The following TLE4 variants were observed in gnomAD, a reference collection of about 807,000 sequenced individuals.
The protein encoded by TLE4 is TLE family member 4, transcriptional corepressor.
Under a neutral mutation model 92.8 loss-of-function variants are expected in TLE4, and 8 were observed. That is an observed-to-expected ratio of 0.09 (90% confidence interval 0.05 to 0.16). TLE4 has a LOEUF of 0.16. TLE4 is among the 10% of genes least tolerant of loss of function. The pLI, the probability that TLE4 is intolerant of heterozygous loss-of-function variation, is 1.00. For missense variants in TLE4, 675 were observed against 997.6 expected, an observed-to-expected ratio of 0.68 and a Z score of 4.36; for synonymous variants, 371 against 374.1, an observed-to-expected ratio of 0.99 and a Z score of 0.10.
intron 8 of TLE4, among the ~76,000 whole-genome samples, chr9:79,692,906 G>T (rs1339550506): frequency 6.6e-6 from 1 of 152,196 alleles, no homozygotes; most frequent in Non-Finnish European, 1.5e-5. Context: ...GACTATAGCA[G>T]TGACAATCCT....
At chr9:79,629,872 A>G (rs983992299) in intron 6 of TLE4, among the ~76,000 whole-genome samples, 3 of 152,182 alleles carry the variant, frequency 2.0e-5, no homozygotes, top group Non-Finnish European at 2.9e-5. Flanking sequence ...CAGTTGTAAC[A>G]TTGTAGTATT....
At chr9:79,621,120 G>A (rs1291046807) in intron 5 of TLE4, among the ~76,000 whole-genome samples, 1 of 152,190 alleles carries the variant, frequency 6.6e-6, no homozygotes, top group Non-Finnish European at 1.5e-5. Context: ...GTATAGGAAA[G>A]GCTGATTTGG....
In TLE4 at chr9:79,572,594, C is replaced by A. The variant is rs1446429062; in HGVS notation, c.-197C>A. 1 of 233,932 alleles carries A rather than the reference C, an allele frequency of 4.3e-6. No homozygotes were observed. Among genetic ancestry groups the A allele is most frequent in the Non-Finnish European group, 8.3e-6 (1 of 120,824 alleles). 14.5% of individuals were successfully genotyped at this position (233,932 alleles called of 1,614,324 possible). Reference sequence around the variant, plus strand: ...GACGCCCGCGGGGAATGCGGAGCGGCCCGGCAGCCGGCACCCAGCCGCCGC... The same window carrying A: ...GACGCCCGCGGGGAATGCGGAGCGGACCGGCAGCCGGCACCCAGCCGCCGC... On this transcript the variant is annotated 5_prime_UTR_variant, in exon 1 of 20. Transcript: ENST00000376552.
intron 14 of TLE4, among the ~76,000 whole-genome samples, chr9:79,710,272 A>G (rs941465212): frequency 6.6e-6 from 1 of 152,112 alleles, no homozygotes; most frequent in African/African-American, 2.4e-5. Flanking sequence ...AATCTAATGC[A>G]CCTTTTTATT....
At chr9:79,702,148 G>C (rs964751105) in intron 8 of TLE4, among the ~76,000 whole-genome samples, 4 of 152,198 alleles carry the variant, frequency 2.6e-5, no homozygotes, top group African/African-American at 7.2e-5. Context: ...GGGAACACTG[G>C]CTTATAGTGC....
chr9:79,684,938 A>G (rs955272182), intron 8 of TLE4, among the ~76,000 whole-genome samples: 27 of 152,282 alleles, frequency 1.8e-4, no homozygotes, highest in African/African-American at 6.5e-4. Flanking sequence ...GTAGTTTTAG[A>G]GGTAAAGGAA....
intron 4 of TLE4, among the ~76,000 whole-genome samples, chr9:79,583,844 A>G (rs1047741129): frequency 6.6e-6 from 1 of 152,124 alleles, no homozygotes; most frequent in East Asian, 1.9e-4. Flanking sequence ...TGTTCTCTTT[A>G]ATGTTCCTTA....
At chr9:79,648,379 T>C (rs2058430063) in intron 6 of TLE4, among the ~76,000 whole-genome samples, 1 of 152,118 alleles carries the variant, frequency 6.6e-6, no homozygotes, top group Non-Finnish European at 1.5e-5. Flanking sequence ...TAACAATGCC[T>C]TTATGAGGCA....
intron 6 of TLE4, among the ~76,000 whole-genome samples, chr9:79,632,101 C>G (rs757271910): frequency 6.6e-6 from 1 of 152,196 alleles, no homozygotes; most frequent in South Asian, 2.1e-4. Context: ...TCAGCCATAG[C>G]GCGAAGTGCT....
intron 14 of TLE4, among the ~76,000 whole-genome samples, chr9:79,711,782 G>GT (rs770280994): frequency 9.5e-4 from 144 of 152,294 alleles, no homozygotes; most frequent in Middle Eastern, 3.4e-3. Context: ...ATGTTTAAAT[G>GT]TTTAAGATCC....
chr9:79,657,643 AAATGAGGGT>A (rs1246398237), intron 8 of TLE4, among the ~76,000 whole-genome samples: 4 of 152,152 alleles, frequency 2.6e-5, no homozygotes, highest in Non-Finnish European at 5.9e-5. Context: ...TGAGTGACTG[AAATGAGGGT>A]AATGATTCAG....
chr9:79,627,498 C>G (rs1273156653), intron 6 of TLE4, 50 bp downstream of exon 6: 40 of 1,552,850 alleles, frequency 2.6e-5, no homozygotes, highest in Non-Finnish European at 3.5e-5. Flanking sequence ...GTCATCAGCT[C>G]TCTCGCTCTC....
chr9:79,645,250 A>G (rs776058767), intron 6 of TLE4, among the ~76,000 whole-genome samples: 5 of 152,182 alleles, frequency 3.3e-5, no homozygotes, highest in Non-Finnish European at 7.3e-5. Context: ...AGAAACCAAA[A>G]TATGAGCACA....
rs545208644 is a variant in TLE4, at chr9:79,603,412, G to A, written c.253-9244G>A. Among the ~76,000 whole-genome samples the A allele has an allele frequency of 1.2e-3, 186 of 152,202 alleles. 1 individual carries two copies. Among genetic ancestry groups the A allele is most frequent in the African/African-American group, 3.7e-3 (154 of 41,520 alleles). ...CACCCTGATTAGCCATCAGTATTGA[G>A]CCAAAACCCTCTGTCAGCAAAAAGA... On this transcript the variant is annotated intron_variant, in intron 4 of 19. Transcript: ENST00000376552.
At chr9:79,673,738 T>G (rs569936099) in intron 8 of TLE4, among the ~76,000 whole-genome samples, 1 of 152,254 alleles carries the variant, frequency 6.6e-6, no homozygotes, top group African/African-American at 2.4e-5. Flanking sequence ...GTAGCATAAT[T>G]TACATGTTAC....
intron 6 of TLE4, among the ~76,000 whole-genome samples, chr9:79,629,384 A>G (rs2053589713): frequency 6.6e-6 from 1 of 152,022 alleles, no homozygotes; most frequent in Non-Finnish European, 1.5e-5. Flanking sequence ...ATATTTATTC[A>G]TTTTTATATA....
intron 6 of TLE4, among the ~76,000 whole-genome samples, chr9:79,640,125 T>C (rs2056830673): frequency 6.6e-6 from 1 of 152,030 alleles, no homozygotes; most frequent in Non-Finnish European, 1.5e-5. Context: ...ATTTGGAACA[T>C]AAGTAACTAG....
intron 8 of TLE4, among the ~76,000 whole-genome samples, chr9:79,665,052 G>A (rs1016489385): frequency 2.0e-5 from 3 of 152,174 alleles, no homozygotes; most frequent in African/African-American, 7.2e-5. Flanking sequence ...ACAGAAGTTC[G>A]ATTGCATTAG....
At chr9:79,715,518 T>A (rs1279223070) in intron 14 of TLE4, among the ~76,000 whole-genome samples, 2 of 152,040 alleles carry the variant, frequency 1.3e-5, no homozygotes, top group African/African-American at 2.4e-5. Flanking sequence ...GCACCAGCGG[T>A]GGGGTTAATA....
Sources: gnomAD v4.1 joint callset for allele counts (sites outside exome capture counted in the v4.1 genomes callset) on GRCh38, gnomAD v4.1.1 for gene constraint, MANE v1.5 for transcripts, NCBI Gene and HGNC (gene_info 2026-07-23, HGNC 2026-07-21) for gene names.